Variants in FAM228B observed in about 807,000 individuals in gnomAD.
FAM228B encodes family with sequence similarity 228 member B, also known as protein FAM228B.
Under a neutral mutation model 42.6 loss-of-function variants are expected in FAM228B, and 38 were observed. The observed-to-expected ratio is 0.89, with a 90% CI of 0.69 to 1.17. FAM228B has a LOEUF of 1.17. Ranked by LOEUF, FAM228B falls within the 50% of genes most tolerant of loss-of-function variation. The probability of loss-of-function intolerance (pLI) is 0.00; values close to 1 mark genes in which losing one functional copy is unlikely to be tolerated. For synonymous variants in FAM228B, 109 were observed against 122.3 expected (o/e 0.89, Z 0.72); for missense variants, 344 against 367.3 (o/e 0.94, Z 0.52).
At chr2:24,125,109 C>T (rs561970595) in intron 2 of FAM228B, among the ~76,000 whole-genome samples, 1 of 152,264 alleles carries the variant, frequency 6.6e-6, no homozygotes, top group Admixed American at 6.5e-5. Flanking sequence ...TGGCACTGTG[C>T]CTCATGCCTG....
chr2:24,079,429 T>G (rs772733652), intron 1 of FAM228B: 1 of 1,611,970 alleles, frequency 6.2e-7, no homozygotes, highest in Admixed American at 1.7e-5. Context: ...TGTTTTCTTT[T>G]CATTCATCAC....
chr2:24,121,719 C>T (rs1037170370), upstream of FAM228B, among the ~76,000 whole-genome samples: 2 of 152,114 alleles, frequency 1.3e-5, no homozygotes, highest in Non-Finnish European at 2.9e-5. Flanking sequence ...CTGGGGGAAG[C>T]TGTGAGTTTT....
chr2:24,163,137 G>C (rs1179013435), intron 8 of FAM228B, among the ~76,000 whole-genome samples: 1 of 152,192 alleles, frequency 6.6e-6, no homozygotes, highest in Non-Finnish European at 1.5e-5. Context: ...AGAAAAGTGA[G>C]CTTTTATGAC....
intron 5 of FAM228B, among the ~76,000 whole-genome samples, chr2:24,142,217 C>T (rs1490609931): frequency 6.6e-6 from 1 of 152,156 alleles, no homozygotes; most frequent in Non-Finnish European, 1.5e-5. Flanking sequence ...TCTCCTTTCC[C>T]CCTTTCAATT....
Position 24,079,504 on chromosome 2 carries a change from T to C in FAM228B, c.-289-1372T>C, listed in dbSNP as rs978440158. The C allele has an allele frequency of 3.1e-6, 5 of 1,614,022 alleles. No individual in the cohort carries two copies. In the African/African-American group the frequency reaches 6.7e-5, roughly 22 times the overall value. On this transcript the variant is annotated intron_variant, in intron 1 of 10. Transcript: ENST00000613899. ...GACTTCCTCGCTTAAAAAGTAGCTT[T>C]GAAAACAGGGGCCCATTGATGTCAC...
In FAM228B at chr2:24,084,364, G is replaced by C; in HGVS notation, c.-210+3409G>C. ...CACAGGGCAGGGCAGGGCAGGACAG[G>C]ACAGGGCAGGGCAGGGCAGGACAGG... On this transcript the variant is annotated intron_variant, in intron 2 of 10. Transcript: ENST00000613899. The surrounding 1 kb of genome is among the most constrained non-coding windows in gnomAD (Gnocchi z 8.4). 3 of 1,321,626 alleles carry C rather than the reference G, an allele frequency of 2.3e-6. No homozygotes were observed. Among genetic ancestry groups the C allele is most frequent in the Non-Finnish European group, 3.1e-6 (3 of 969,402 alleles). The allele number at this position is 1,321,626 out of a possible 1,614,324, so 81.9% of individuals were successfully genotyped here.
At chr2:24,127,589 A>G (rs1666347485) in intron 2 of FAM228B, among the ~76,000 whole-genome samples, 1 of 152,036 alleles carries the variant, frequency 6.6e-6, no homozygotes, top group South Asian at 2.1e-4. Flanking sequence ...CAATTTCTCC[A>G]CTGCTCAGAG....
chr2:24,119,674 A>G (rs774612797), upstream of FAM228B: 4 of 1,609,754 alleles, frequency 2.5e-6, no homozygotes, highest in Admixed American at 6.7e-5. Context: ...CAACCACACC[A>G]GTGTTCTCCT....
Position 24,146,850 on chromosome 2 carries a change from A to T in FAM228B, c.529+15A>T, listed in dbSNP as rs559217335. On this transcript the variant is annotated intron_variant, in intron 6 of 10. Transcript: ENST00000615575. ...GTGTGAGACTGGTACTTAGTTCCTAATTGTTATGTGATTTCATAGCCCAAG... is the reference window on the plus strand; with the variant it reads ...GTGTGAGACTGGTACTTAGTTCCTATTTGTTATGTGATTTCATAGCCCAAG... 2.7e-5 allele frequency: 42 copies of T among 1,540,660 alleles called. No homozygotes were observed. The South Asian group carries it at 5.0e-4, about 18-fold the overall frequency.
chr2:24,122,545 A>G, upstream of FAM228B: 1 of 1,582,248 alleles, frequency 6.3e-7, no homozygotes, highest in Non-Finnish European at 8.7e-7. Context: ...TGTTCCCTCA[A>G]CTCTGAAAGG....
rs1333765334 is a variant in FAM228B at position 24,169,299 on chromosome 2, C to T, written c.*15-57C>T. Reference sequence around the variant, plus strand: ...TTAGCTGGGGAACGCTTTCTGCTCTCGTAAGCCCCTCATCCCCATACCACA... The same window carrying T: ...TTAGCTGGGGAACGCTTTCTGCTCTTGTAAGCCCCTCATCCCCATACCACA... On this transcript the variant is annotated intron_variant, in intron 10 of 10. Coordinates refer to ENST00000615575, the MANE Select transcript of FAM228B (RefSeq NM_001145710.2). The surrounding 1 kb of genome is among the most constrained non-coding windows in gnomAD (Gnocchi z 4.2). The T allele has an allele frequency of 1.1e-5, 5 of 442,626 alleles. No individual in the cohort carries two copies. Among genetic ancestry groups the T allele is most frequent in the Admixed American group, 9.5e-5 (4 of 42,240 alleles). The allele number at this position is 442,626 out of a possible 1,614,324, so 27.4% of individuals were successfully genotyped here.
intron 3 of FAM228B, among the ~76,000 whole-genome samples, chr2:24,101,859 T>G (rs545089836): frequency 6.1e-4 from 93 of 152,246 alleles, no homozygotes; most frequent in African/African-American, 2.1e-3. Flanking sequence ...ATTTTTTGTA[T>G]TTTTAGTAGA....
Position 24,137,922 on chromosome 2 carries a change from A to G in FAM228B, c.182A>G (p.Tyr61Cys), listed in dbSNP as rs1392223532. The G allele has an allele frequency of 6.5e-7, 1 of 1,529,156 alleles. No homozygotes were observed. The highest frequency in any genetic ancestry group is 8.8e-7 in the Non-Finnish European group (1 of 1,140,732). 94.7% of individuals were successfully genotyped at this position (1,529,156 alleles called of 1,614,324 possible). The change falls in exon 4 of 11, where the codon TAT (tyrosine) becomes TGT (cysteine). Residue 61 changes from tyrosine (Y) to cysteine (C), a missense_variant. Coordinates refer to ENST00000615575, the MANE Select transcript of FAM228B (RefSeq NM_001145710.2). ...ACTGTTTACTAGGAACTAGATAAGT[A>G]TTTACAACATCATGCCTTCTTAAAT... ...ENSVIKELDK[Y>C]LQHHAFLNAR...
At chr2:24,082,279 T>G (rs1459480769) in intron 2 of FAM228B, among the ~76,000 whole-genome samples, 1 of 152,208 alleles carries the variant, frequency 6.6e-6, no homozygotes, top group Non-Finnish European at 1.5e-5. Context: ...CCACCTTGCC[T>G]GGCTGATACT....
chr2:24,111,807 A>G (rs1399826125), intron 3 of FAM228B, among the ~76,000 whole-genome samples: 1 of 152,010 alleles, frequency 6.6e-6, no homozygotes, highest in Non-Finnish European at 1.5e-5. Context: ...GACTCACCCC[A>G]CAAGCAGAGG....
intron 2 of FAM228B, chr2:24,083,046 A>G (rs1368087010): frequency 6.2e-7 from 1 of 1,614,164 alleles, no homozygotes; most frequent in Non-Finnish European, 8.5e-7. Context: ...TGTGTCCCCG[A>G]TCTTCCAGTG....
chr2:24,107,096 A>G (rs1442836127), intron 3 of FAM228B, among the ~76,000 whole-genome samples: 3 of 152,168 alleles, frequency 2.0e-5, no homozygotes, highest in Non-Finnish European at 4.4e-5. Flanking sequence ...CTACAAAGCA[A>G]ACAGAAAACA....
In FAM228B at chr2:24,161,676, C is replaced by G. The variant is rs1345694059; in HGVS notation, c.794+63C>G. 4.0e-6 allele frequency: 4 copies of G among 1,000,140 alleles called. No homozygotes were observed. The African/African-American group carries it at 4.8e-5, about 12-fold the overall frequency. 62.0% of individuals were successfully genotyped at this position (1,000,140 alleles called of 1,614,324 possible). On this transcript the variant is annotated intron_variant, in intron 8 of 10. Coordinates refer to ENST00000615575, the MANE Select transcript of FAM228B (RefSeq NM_001145710.2). ...TAAGATGCTAGGCTGTGCTGCCATC[C>G]CCTGCCATCCTTTCATGTTGCTGAG...
chr2:24,143,514 C>T (rs1017286615), intron 5 of FAM228B, among the ~76,000 whole-genome samples: 3 of 152,124 alleles, frequency 2.0e-5, no homozygotes, highest in Non-Finnish European at 4.4e-5. Context: ...TTTTCAATTA[C>T]GTATCTCTAT....
Sources: allele counts gnomAD v4.1 joint callset (sites outside exome capture counted in the v4.1 genomes callset), GRCh38; gene constraint gnomAD v4.1.1; non-coding constraint Gnocchi (gnomAD v3.1); transcripts MANE v1.5; gene names NCBI Gene and HGNC (gene_info 2026-07-23, HGNC 2026-07-21).